Variants in SYCE1L observed in about 807,000 individuals in gnomAD.
The protein encoded by SYCE1L is synaptonemal complex central element protein 1 like.
In SYCE1L, 51 loss-of-function variants were observed where a neutral mutation model predicts 39.6. The ratio of observed to expected loss-of-function variants is 1.29; its 90% CI spans 1.03 to 1.63. SYCE1L has a LOEUF of 1.63. SYCE1L is among the 40% of genes most tolerant of loss of function. The probability of loss-of-function intolerance (pLI) is 0.00; values close to 1 mark genes in which losing one functional copy is unlikely to be tolerated. For missense variants in SYCE1L, 426 were observed against 304.9 expected (o/e 1.40, Z -2.96); for synonymous variants, 147 against 122.4 (o/e 1.20, Z -1.33).
intron 6 of SYCE1L, 116 bp from the exon 7 acceptor site, chr16:77,211,097 G>C: frequency 8.7e-7 from 1 of 1,150,874 alleles, no homozygotes; most frequent in Non-Finnish European, 1.3e-6. Context: ...TAAAACCCAT[G>C]AAGGGGCTCC....
rs1478086097 is a variant in SYCE1L, at chr16:77,209,116, C to T, written c.276C>T (p.His92=). The T allele has an allele frequency of 4.5e-6, 7 of 1,551,532 alleles. No individual in the cohort carries two copies. Among genetic ancestry groups the T allele is most frequent in the South Asian group, 3.6e-5 (3 of 84,062 alleles). Residue 92 remains histidine (H), a synonymous_variant, in exon 5 of 11, where the codon CAC becomes CAT. Transcript: ENST00000378644. ...ELDSLNGEKV[H]LEEVLGKKQE... Reference sequence around the variant, plus strand: ...TTCCAGTGAATGGAGAGAAAGTGCACCTAGAGGAGGTCTTGGGCAAAAAGC... The same window carrying T: ...TTCCAGTGAATGGAGAGAAAGTGCATCTAGAGGAGGTCTTGGGCAAAAAGC...
intron 9 of SYCE1L, 53 bp downstream of exon 9, chr16:77,212,422 A>T: frequency 2.0e-6 from 3 of 1,528,360 alleles, no homozygotes; most frequent in African/African-American, 1.4e-5. Context: ...GGCGGAGGGG[A>T]ACCCGCCCAG....
chr16:77,201,970 A>T (rs2054748256), intron 1 of SYCE1L: 1 of 152,228 alleles, frequency 6.6e-6, no homozygotes, highest in Admixed American at 6.5e-5. Flanking sequence ...TCTGAATGAT[A>T]AAGGCCTAAG....
intron 6 of SYCE1L, among the ~76,000 whole-genome samples, chr16:77,210,756 G>A (rs2054816782): frequency 6.6e-6 from 1 of 152,144 alleles, no homozygotes; most frequent in Non-Finnish European, 1.5e-5. Context: ...GTTCTCAACA[G>A]AGGCCCATGA....
At chr16:77,210,080 A>G (rs778293884) in intron 6 of SYCE1L, among the ~76,000 whole-genome samples, 7 of 152,036 alleles carry the variant, frequency 4.6e-5, no homozygotes, top group Admixed American at 2.0e-4. Flanking sequence ...CATTTCTCCA[A>G]TCAGCTATCA....
At chr16:77,210,605 G>C (rs11639782) in intron 6 of SYCE1L, among the ~76,000 whole-genome samples, 3,828 of 152,128 alleles carry the variant, frequency 0.025, 71 homozygotes, top group South Asian at 0.044. Flanking sequence ...TAAGTAACTT[G>C]GCCAGGGTCT....
intron 2 of SYCE1L, among the ~76,000 whole-genome samples, 154 bp from the exon 3 acceptor site, chr16:77,208,056 A>G (rs1347506119): frequency 6.6e-6 from 1 of 152,232 alleles, no homozygotes; most frequent in Non-Finnish European, 1.5e-5. Flanking sequence ...CCAGAATGCA[A>G]GCCCTTCAAG....
Position 77,199,408 on chromosome 16 carries a change from A to G in SYCE1L, c.-44A>G. The G allele has an allele frequency of 6.5e-7, 1 of 1,544,912 alleles. No individual in the cohort carries two copies. The highest frequency in any genetic ancestry group is 8.8e-7 in the Non-Finnish European group (1 of 1,142,526). On this transcript the variant is annotated 5_prime_UTR_variant, in exon 1 of 11. Coordinates refer to ENST00000378644, the MANE Select transcript of SYCE1L (RefSeq NM_001129979.3). ...TCACCCTCACGTGGTTTCTTTTTTA[A>G]CCAGTCATCAAGCGAGGCTCGCGCG...
chr16:77,209,731 T>G (rs906511137), intron 6 of SYCE1L, among the ~76,000 whole-genome samples: 1 of 152,264 alleles, frequency 6.6e-6, no homozygotes, highest in East Asian at 1.9e-4. Flanking sequence ...CTTTTTCTGT[T>G]GGCTATCCAG....
rs542342158 is a variant in SYCE1L at position 77,212,231 on chromosome 16, G to A, written c.493+32G>A. On this transcript the variant is annotated intron_variant, in intron 8 of 10. Coordinates refer to ENST00000378644, the MANE Select transcript of SYCE1L (RefSeq NM_001129979.3). ...CTCCCGCGCCAGGTGGGCGGGGGGA[G>A]GGGGATGTGCCCGGGCCTCGGCCCT... 1.2e-3 allele frequency: 1,891 copies of A among 1,542,840 alleles called. 35 individuals are homozygous for A. The South Asian group carries it at 0.02, about 16-fold the overall frequency.
At chr16:77,199,547 C>T (rs962114381) in intron 1 of SYCE1L, 35 bp downstream of exon 1, 2 of 1,483,898 alleles carry the variant, frequency 1.3e-6, no homozygotes, top group Non-Finnish European at 1.8e-6. Context: ...TCCTTTCTCT[C>T]CAACCAGGGC....
chr16:77,212,465 C>G (rs1169430416), intron 9 of SYCE1L, 96 bp downstream of exon 9: 8 of 1,538,996 alleles, frequency 5.2e-6, no homozygotes, highest in Non-Finnish European at 7.0e-6. Flanking sequence ...GCCGCTTCCC[C>G]GGCCTGTGCC....
At chr16:77,200,420 C>G (rs1230928334) in intron 1 of SYCE1L, 1 of 151,250 alleles carries the variant, frequency 6.6e-6, no homozygotes, top group African/African-American at 2.4e-5. Context: ...TCACTGCACT[C>G]CAGCCTGGGT....
intron 5 of SYCE1L, 40 bp from the exon 6 acceptor site, chr16:77,209,377 C>G (rs1488337893): frequency 6.4e-7 from 1 of 1,550,780 alleles, no homozygotes; most frequent in Non-Finnish European, 8.7e-7. Flanking sequence ...CCTGACTCCC[C>G]AAGAGCTCTC....
intron 2 of SYCE1L, among the ~76,000 whole-genome samples, chr16:77,207,656 G>T (rs539457292): frequency 1.3e-5 from 2 of 152,218 alleles, no homozygotes; most frequent in East Asian, 3.9e-4. Context: ...GGCTTCCACG[G>T]TGGCCCAAGA....
intron 1 of SYCE1L, among the ~76,000 whole-genome samples, chr16:77,202,697 G>A (rs1031512985): frequency 6.6e-6 from 1 of 152,196 alleles, no homozygotes; most frequent in Non-Finnish European, 1.5e-5. Context: ...GGTCAGCTAA[G>A]AAAATGTCCT....
intron 6 of SYCE1L, 110 bp from the exon 7 acceptor site, chr16:77,211,103 G>T (rs1415770675): frequency 5.0e-5 from 60 of 1,195,314 alleles, no homozygotes; most frequent in Non-Finnish European, 6.7e-5. Context: ...CCATGAAGGG[G>T]CTCCCAGCAG....
chr16:77,200,291 T>TATATATATATATGTATATATATAC, intron 1 of SYCE1L: 3 of 111,430 alleles, frequency 2.7e-5, no homozygotes, highest in Non-Finnish European at 5.7e-5. Context: ...TATATATATA[T>TATATATATATATGTATATATATAC]ACACACACTA....
chr16:77,212,750 A>C (rs906151855), intron 10 of SYCE1L, 104 bp downstream of exon 10: 10 of 1,422,240 alleles, frequency 7.0e-6, no homozygotes, highest in Non-Finnish European at 7.4e-6. Context: ...TGTGGGGAGC[A>C]GGGCGGCCCC....
Sources: allele counts gnomAD v4.1 joint callset (sites outside exome capture counted in the v4.1 genomes callset), GRCh38; gene constraint gnomAD v4.1.1; transcripts MANE v1.5; gene names NCBI Gene and HGNC (gene_info 2026-07-23, HGNC 2026-07-21).